ADD3: variants seen among roughly 807,000 people sequenced by gnomAD.
The protein encoded by ADD3 is gamma-adducin.
A neutral mutation model predicts 80.2 loss-of-function variants in ADD3; 25 were observed. The observed-to-expected ratio is 0.31, with a 90% CI of 0.23 to 0.44. The LOEUF is 0.44. Ranked by LOEUF, ADD3 falls within the 20% of genes least tolerant of loss-of-function variation. ADD3 has a pLI of 1.00. For synonymous variants in ADD3, 284 were observed against 289.6 expected, an observed-to-expected ratio of 0.98 and a Z score of 0.20; for missense variants, 829 against 847.5, an observed-to-expected ratio of 0.98 and a Z score of 0.27.
intron 1 of ADD3, among the ~76,000 whole-genome samples, chr10:110,073,274 CTGGG>C (rs1564929604): frequency 1.3e-5 from 2 of 151,614 alleles, no homozygotes; most frequent in African/African-American, 4.8e-5. Context: ...TCCCGAGTAG[CTGGG>C]ACTACAGGTG....
At chr10:110,081,613 A>C (rs1846068931) in intron 1 of ADD3, among the ~76,000 whole-genome samples, 1 of 152,212 alleles carries the variant, frequency 6.6e-6, no homozygotes, top group South Asian at 2.1e-4. Context: ...AACTCTAAGT[A>C]ATGCTGTGGT....
At chr10:110,133,013 G>C (rs1017451836) in intron 14 of ADD3, among the ~76,000 whole-genome samples, 17 of 150,570 alleles carry the variant, frequency 1.1e-4, no homozygotes, top group Non-Finnish European at 2.4e-4. Flanking sequence ...ATTGCCAAAT[G>C]ATCCCAAAAC....
chr10:110,052,040 G>C (rs1857573442), intron 1 of ADD3, among the ~76,000 whole-genome samples: 1 of 152,160 alleles, frequency 6.6e-6, no homozygotes, highest in Non-Finnish European at 1.5e-5. Flanking sequence ...GGCTTCCCAA[G>C]GTGCTGTCTC....
chr10:110,116,097 C>G (rs1250100495), intron 3 of ADD3, among the ~76,000 whole-genome samples, 162 bp from the exon 4 acceptor site: 3 of 152,206 alleles, frequency 2.0e-5, no homozygotes, highest in Non-Finnish European at 4.4e-5. Flanking sequence ...GTTTACCTCT[C>G]TGAAGGAGAA....
chr10:110,064,594 T>C (rs1019465689), intron 1 of ADD3, among the ~76,000 whole-genome samples: 12 of 152,210 alleles, frequency 7.9e-5, no homozygotes, highest in African/African-American at 2.9e-4. Flanking sequence ...TTTTTCTTTT[T>C]ATTATTGATA....
chr10:110,110,692 C>T (rs1026318164), intron 2 of ADD3, among the ~76,000 whole-genome samples: 1 of 151,884 alleles, frequency 6.6e-6, no homozygotes, highest in Non-Finnish European at 1.5e-5. Context: ...AGCTCGTATG[C>T]CATTTTTTTT....
chr10:110,124,777 A>T (rs1396543229), intron 10 of ADD3, among the ~76,000 whole-genome samples: 1 of 152,144 alleles, frequency 6.6e-6, no homozygotes, highest in African/African-American at 2.4e-5. Flanking sequence ...CTTTTTCAGA[A>T]TTTTGCATTA....
At chr10:110,131,699 T>G (rs2134245922) in intron 13 of ADD3, among the ~76,000 whole-genome samples, 1 of 152,370 alleles carries the variant, frequency 6.6e-6, no homozygotes, top group Admixed American at 6.5e-5. Flanking sequence ...TATTCTAACA[T>G]AAAGTTGGGA....
chr10:110,063,735 CATTATATATATATATA>C (rs1247991949), intron 1 of ADD3, among the ~76,000 whole-genome samples: 1 of 52,044 alleles, frequency 1.9e-5, no homozygotes, highest in African/African-American at 6.8e-5. Context: ...TATATATATT[CATTATATATATATATA>C]TATATATATA....
At chr10:110,098,983 G>T (rs1267813950) in intron 1 of ADD3, among the ~76,000 whole-genome samples, 1 of 151,756 alleles carries the variant, frequency 6.6e-6, no homozygotes, top group African/African-American at 2.4e-5. Flanking sequence ...GCAGTGGTGT[G>T]ATCATGGCTC....
chr10:110,040,467 C>T (rs1856172714), intron 1 of ADD3, among the ~76,000 whole-genome samples: 1 of 152,162 alleles, frequency 6.6e-6, no homozygotes, highest in South Asian at 2.1e-4. Flanking sequence ...GATTATCATC[C>T]ATAATTAGGA....
intron 1 of ADD3, among the ~76,000 whole-genome samples, chr10:110,081,044 T>C (rs978468779): frequency 4.6e-5 from 7 of 152,204 alleles, no homozygotes; most frequent in Non-Finnish European, 7.3e-5. Flanking sequence ...AGGACTTCAA[T>C]TGATTTGTGT....
chr10:110,128,965 T>C (rs985075537), intron 12 of ADD3, among the ~76,000 whole-genome samples: 12 of 152,166 alleles, frequency 7.9e-5, no homozygotes, highest in African/African-American at 2.4e-4. Context: ...TGTAGGGTGA[T>C]TGGATGTGGA....
At chr10:110,116,848 G>A (rs1850798559) in intron 4 of ADD3, among the ~76,000 whole-genome samples, 1 of 152,138 alleles carries the variant, frequency 6.6e-6, no homozygotes, top group Admixed American at 6.5e-5. Flanking sequence ...GGAAAAAGAT[G>A]CTATTTGGAA....
intron 1 of ADD3, among the ~76,000 whole-genome samples, chr10:110,036,933 C>T (rs1855736813): frequency 6.6e-6 from 1 of 152,264 alleles, no homozygotes; most frequent in African/African-American, 2.4e-5. Flanking sequence ...ACAAAAAATA[C>T]AGCCTCTTTT....
upstream of ADD3, among the ~76,000 whole-genome samples, chr10:110,003,257 G>A (rs1471429596): frequency 6.6e-6 from 1 of 151,010 alleles, no homozygotes. Flanking sequence ...CCAACCCAAG[G>A]GAAAATCCTC....
intron 10 of ADD3, 36 bp downstream of exon 10, chr10:110,124,310 A>C: frequency 5.6e-6 from 9 of 1,597,446 alleles, no homozygotes; most frequent in Non-Finnish European, 7.7e-6. Flanking sequence ...CCTTTACTAA[A>C]TATTTTGCCT....
At chr10:110,099,969 A>G (rs1395612687) in intron 1 of ADD3, among the ~76,000 whole-genome samples, 2 of 152,194 alleles carry the variant, frequency 1.3e-5, no homozygotes, top group Non-Finnish European at 2.9e-5. Flanking sequence ...GACTTTGCAT[A>G]TGTGGTATTA....
intron 1 of ADD3, among the ~76,000 whole-genome samples, chr10:110,028,007 T>G (rs934422476): frequency 7.9e-5 from 12 of 152,194 alleles, no homozygotes; most frequent in Non-Finnish European, 2.9e-5. Context: ...CTTAGAGTCC[T>G]GTTGGCCTTG....
Sources: gnomAD v4.1 joint callset for allele counts (sites outside exome capture counted in the v4.1 genomes callset) on GRCh38, gnomAD v4.1.1 for gene constraint, MANE v1.5 for transcripts, NCBI Gene and HGNC (gene_info 2026-07-23, HGNC 2026-07-21) for gene names.